The following CA6 variants were observed in gnomAD, a reference collection of about 807,000 sequenced individuals.
CA6 encodes the protein carbonic anhydrase 6.
CA6 carries 28 observed loss-of-function variants against 35.9 expected under a neutral mutation model. The ratio of observed to expected loss-of-function variants is 0.78; its 90% CI spans 0.58 to 1.07. CA6 has a LOEUF of 1.07. CA6 is among the 50% of genes least tolerant of loss of function. The pLI is 0.00. For missense variants in CA6, 377 were observed against 382.0 expected, an observed-to-expected ratio of 0.99 and a Z score of 0.11; for synonymous variants, 148 against 152.6, an observed-to-expected ratio of 0.97 and a Z score of 0.22.
chr1:8,974,958 A>G lies in CA6; in HGVS notation c.*254A>G, dbSNP rs1640230420. 1 of 337,276 alleles carries G rather than the reference A, an allele frequency of 3.0e-6. No individual in the cohort carries two copies. Among genetic ancestry groups the G allele is most frequent in the African/African-American group, 2.2e-5 (1 of 46,166 alleles). 20.9% of individuals were successfully genotyped at this position (337,276 alleles called of 1,614,324 possible). A position where few individuals can be genotyped will look rare whatever the true frequency, so the allele number is the denominator to read the frequency against. ...ACCAGTGGAAATTGATTGGAATAGA[A>G]ACTTAAAGGAAATGGAACCCTAACT... is the stretch of plus-strand genomic sequence containing the variant. On this transcript the variant is annotated 3_prime_UTR_variant, in exon 8 of 8. Coordinates refer to ENST00000377443, the MANE Select transcript of CA6 (RefSeq NM_001215.4).
chr1:8,960,628 G>T (rs1187390455), intron 4 of CA6, among the ~76,000 whole-genome samples: 3 of 151,786 alleles, frequency 2.0e-5, no homozygotes, highest in Non-Finnish European at 2.9e-5. Flanking sequence ...AAGAAAAAAA[G>T]AATCAGTGCA....
rs533618208 is a variant in CA6 at position 8,963,832 on chromosome 1, C to T, written c.571+1176C>T. ...TTGGGATTATAGGCATGAGCCACCACACCTGGCCAACTGGTATTATTTTTT... is the reference window on the plus strand; with the variant it reads ...TTGGGATTATAGGCATGAGCCACCATACCTGGCCAACTGGTATTATTTTTT... On this transcript the variant is annotated intron_variant, in intron 5 of 7. Coordinates refer to ENST00000377443, the MANE Select transcript of CA6 (RefSeq NM_001215.4). The surrounding 1 kb of genome is among the most constrained non-coding windows in gnomAD (Gnocchi z 4.1). Among the ~76,000 whole-genome samples the T allele has an allele frequency of 1.7e-4, 26 of 152,322 alleles. No homozygotes were observed. Among genetic ancestry groups the T allele is most frequent in the African/African-American group, 5.8e-4 (24 of 41,572 alleles).
intron 5 of CA6, 143 bp downstream of exon 5, chr1:8,962,799 C>T (rs1342628039): frequency 2.1e-5 from 15 of 704,310 alleles, no homozygotes; most frequent in African/African-American, 1.2e-4. Flanking sequence ...CCTCCCTGTG[C>T]CAGGTTACTT....
intron 1 of CA6, 86 bp downstream of exon 1, chr1:8,946,051 T>A: frequency 1.1e-6 from 1 of 885,390 alleles, no homozygotes; most frequent in Non-Finnish European, 1.8e-6. Context: ...TCTTTTTTTT[T>A]TTTTTAGACA....
At chr1:8,971,810 C>A (rs1476045594) in intron 7 of CA6, among the ~76,000 whole-genome samples, 1 of 152,248 alleles carries the variant, frequency 6.6e-6, no homozygotes, top group Non-Finnish European at 1.5e-5. Context: ...CCAGCCTCCG[C>A]TGCATCCTCC....
chr1:8,965,886 C>CAATAAAAAA (rs1639954470), intron 5 of CA6, among the ~76,000 whole-genome samples: 1 of 133,676 alleles, frequency 7.5e-6, no homozygotes, highest in Non-Finnish European at 1.7e-5. Context: ...GACTCTGCTT[C>CAATAAAAAA]AAAAAAAAAA....
chr1:8,954,130 CTGCTCTGCCTGT>C (rs1639612447), intron 2 of CA6, among the ~76,000 whole-genome samples: 1 of 151,688 alleles, frequency 6.6e-6, no homozygotes, highest in African/African-American at 2.4e-5. Context: ...GCCCTTGGGG[CTGCTCTGCCTGT>C]GGAGCAGCCA....
At chr1:8,969,983 C>T (rs927175088) in intron 6 of CA6, among the ~76,000 whole-genome samples, 3 of 151,822 alleles carry the variant, frequency 2.0e-5, no homozygotes, top group Admixed American at 2.0e-4. Context: ...GCTGAGTGGG[C>T]GAATGGCCTG....
chr1:8,969,872 T>C (rs1040010328), intron 6 of CA6, among the ~76,000 whole-genome samples: 2 of 151,922 alleles, frequency 1.3e-5, no homozygotes, highest in African/African-American at 4.8e-5. Context: ...CAATATAGAA[T>C]TGTATGTGCA....
chr1:8,968,095 G>A (rs1346781734), intron 6 of CA6, among the ~76,000 whole-genome samples: 2 of 150,958 alleles, frequency 1.3e-5, no homozygotes, highest in African/African-American at 4.9e-5. Flanking sequence ...AGCCTCCCGA[G>A]TAGCTGGGAC....
At chr1:8,970,020 A>G (rs766906870) in intron 6 of CA6, among the ~76,000 whole-genome samples, 9 of 152,064 alleles carry the variant, frequency 5.9e-5, no homozygotes, top group Non-Finnish European at 1.0e-4. Context: ...CCTGGCCCAC[A>G]TGGTGAAACC....
intron 7 of CA6, chr1:8,974,209 G>A: frequency 1.8e-6 from 1 of 562,080 alleles, no homozygotes; most frequent in Non-Finnish European, 3.1e-6. Flanking sequence ...GTAGAGAACT[G>A]TATCCCAGCG....
intron 7 of CA6, among the ~76,000 whole-genome samples, chr1:8,973,443 C>T (rs1485654932): frequency 6.6e-6 from 1 of 152,170 alleles, no homozygotes; most frequent in Non-Finnish European, 1.5e-5. Flanking sequence ...ATGCTTTTTC[C>T]ACTACAGCGT....
intron 3 of CA6, among the ~76,000 whole-genome samples, chr1:8,957,773 A>G (rs2124265284): frequency 7.1e-6 from 1 of 141,182 alleles, no homozygotes; most frequent in South Asian, 2.2e-4. Context: ...ATGTAGCGAG[A>G]TCTTGTGTCT....
In CA6 at chr1:8,958,942, G is replaced by C. The variant is rs781085226; in HGVS notation, c.441G>C (p.Lys147Asn). ...TTGTTCACTACAATTCTAAATACAA[G>C]AGCTATGATATAGCCCAAGATGCGC... The part of the protein sequence containing the change: ...IHIVHYNSKY[K>N]SYDIAQDAPD... The change falls in exon 4 of 8, where the codon AAG (lysine) becomes AAC (asparagine). Residue 147 changes from lysine (K) to asparagine (N), a missense_variant. Lys to Asn is a moderately conservative substitution (Grantham distance 94). Coordinates refer to ENST00000377443, the MANE Select transcript of CA6 (RefSeq NM_001215.4). 9.3e-6 allele frequency: 15 copies of C among 1,612,300 alleles called. No homozygotes were observed. The South Asian group carries it at 1.6e-4, about 18-fold the overall frequency.
At chr1:8,947,411 C>T (rs1361971379) in intron 1 of CA6, among the ~76,000 whole-genome samples, 1 of 152,068 alleles carries the variant, frequency 6.6e-6, no homozygotes, top group Non-Finnish European at 1.5e-5. Flanking sequence ...ACGGGATGAT[C>T]TGTTAAGTCA....
chr1:8,962,043 C>A (rs1639854042), intron 4 of CA6, among the ~76,000 whole-genome samples: 1 of 152,028 alleles, frequency 6.6e-6, no homozygotes, highest in Non-Finnish European at 1.5e-5. Flanking sequence ...AGTTGGAGAC[C>A]CACCTGGCCA....
At chr1:8,955,580 C>T (rs909012759) in intron 2 of CA6, among the ~76,000 whole-genome samples, 2 of 139,246 alleles carry the variant, frequency 1.4e-5, no homozygotes, top group African/African-American at 5.4e-5. Context: ...GTCCTCAGCT[C>T]CTCGGCTCCC....
rs757054303 is a variant in CA6, at chr1:8,963,098, G to T, written c.571+442G>T. ...TCCGTCCCCTCTCCTCCAGAGGGCG[G>T]CGTTCTTGTAAGAGCCATTTCCCAC... is the stretch of plus-strand genomic sequence containing the variant. On this transcript the variant is annotated intron_variant, in intron 5 of 7. Transcript: ENST00000377443. The surrounding 1 kb of genome is among the most constrained non-coding windows in gnomAD (Gnocchi z 4.1). Among the ~76,000 whole-genome samples, 3 of 152,108 alleles carry T rather than the reference G, an allele frequency of 2.0e-5. No individual in the cohort carries two copies. Among genetic ancestry groups the T allele is most frequent in the Non-Finnish European group, 2.9e-5 (2 of 68,016 alleles).
Sources: allele counts gnomAD v4.1 joint callset (sites outside exome capture counted in the v4.1 genomes callset), GRCh38; gene constraint gnomAD v4.1.1; non-coding constraint Gnocchi (gnomAD v3.1); transcripts MANE v1.5; gene names NCBI Gene and HGNC (gene_info 2026-07-23, HGNC 2026-07-21).